The following SERAC1 variants were observed in gnomAD, a reference collection of about 807,000 sequenced individuals.
SERAC1 encodes the protein protein SERAC1.
Under a neutral mutation model 85.7 loss-of-function variants are expected in SERAC1, and 36 were observed. The ratio of observed to expected loss-of-function variants is 0.42; its 90% CI spans 0.32 to 0.55. The LOEUF is 0.55. Among genes scored for constraint, SERAC1 ranks in the 20% least tolerant of loss-of-function variants. SERAC1 has a pLI of 0.11. For missense variants in SERAC1, 629 were observed against 796.2 expected (o/e 0.79, Z 2.53); for synonymous variants, 242 against 265.3 (o/e 0.91, Z 0.85).
chr6:158,156,725 TTATATA>T (rs200538489), intron 2 of SERAC1, among the ~76,000 whole-genome samples: 15 of 140,704 alleles, frequency 1.1e-4, no homozygotes, highest in Non-Finnish European at 1.7e-4. Context: ...ACAAAAATCT[TTATATA>T]TATATAAATA....
intron 10 of SERAC1, among the ~76,000 whole-genome samples, chr6:158,123,472 G>A (rs1050972775): frequency 2.6e-5 from 4 of 152,184 alleles, no homozygotes; most frequent in African/African-American, 9.7e-5. Context: ...TAAAGTAGGA[G>A]GAGAAGTCAT....
rs555648797 is a variant in SERAC1, at chr6:158,119,235, C to T, written c.1167-65G>A. ...GCATTACTGCTTTGGTAAGAATCTA[C>T]ACAGCATTCTCTGTGGATGGTGCTT... On this transcript the variant is annotated intron_variant, in intron 11 of 16. Transcript: ENST00000647468. The surrounding 1 kb of genome is among the most constrained non-coding windows in gnomAD (Gnocchi z 4.5). 2.0e-6 allele frequency: 3 copies of T among 1,519,842 alleles called. No individual in the cohort carries two copies. Among genetic ancestry groups the T allele is most frequent in the South Asian group, 1.2e-5 (1 of 80,604 alleles). The allele number at this position is 1,519,842 out of a possible 1,614,324, so 94.1% of individuals were successfully genotyped here. A position where few individuals can be genotyped will look rare whatever the true frequency, so the allele number is the denominator to read the frequency against.
chr6:158,126,351 A>T (rs60554880), intron 10 of SERAC1, among the ~76,000 whole-genome samples: 1 of 141,546 alleles, frequency 7.1e-6, no homozygotes, highest in African/African-American at 2.7e-5. Flanking sequence ...CATATCATAA[A>T]GGACATGGGC....
chr6:158,134,250 T>C (rs937169593), intron 8 of SERAC1, among the ~76,000 whole-genome samples: 3 of 152,236 alleles, frequency 2.0e-5, no homozygotes, highest in African/African-American at 7.2e-5. Flanking sequence ...AAGCTGCCTC[T>C]TTCCCCAGCT....
At chr6:158,150,723 T>C in intron 3 of SERAC1, 134 bp from the exon 4 acceptor site, 1 of 674,468 alleles carries the variant, frequency 1.5e-6, no homozygotes, top group Non-Finnish European at 2.6e-6. Context: ...GTAATATGCA[T>C]ATAACATTTA....
At chr6:158,144,734 C>G (rs1785012362) in intron 6 of SERAC1, among the ~76,000 whole-genome samples, 1 of 152,150 alleles carries the variant, frequency 6.6e-6, no homozygotes, top group African/African-American at 2.4e-5. Flanking sequence ...TTCCAGCATT[C>G]AAAAGATGTT....
intron 8 of SERAC1, among the ~76,000 whole-genome samples, chr6:158,133,885 C>CT (rs1191482638): frequency 6.6e-6 from 1 of 152,176 alleles, no homozygotes; most frequent in African/African-American, 2.4e-5. Context: ...TTCCTAACCT[C>CT]TAACTGATAT....
intron 7 of SERAC1, among the ~76,000 whole-genome samples, chr6:158,143,603 A>G (rs1225010545): frequency 6.6e-6 from 1 of 152,092 alleles, no homozygotes; most frequent in Non-Finnish European, 1.5e-5. Flanking sequence ...CTCAAAATGA[A>G]TTATTGCACC....
At chr6:158,159,543 A>T (rs1785437208) in intron 1 of SERAC1, among the ~76,000 whole-genome samples, 1 of 151,854 alleles carries the variant, frequency 6.6e-6, no homozygotes, top group African/African-American at 2.4e-5. Flanking sequence ...TCCCTCTAAA[A>T]TTCCACTGTA....
At chr6:158,113,638 T>A in intron 15 of SERAC1, 46 bp from the exon 16 acceptor site, 1 of 1,515,716 alleles carries the variant, frequency 6.6e-7, no homozygotes, top group South Asian at 1.3e-5. Flanking sequence ...GTTTACCCAA[T>A]TCATAATAAA....
intron 6 of SERAC1, chr6:158,146,553 C>G: frequency 2.8e-6 from 1 of 351,340 alleles, no homozygotes; most frequent in Admixed American, 4.3e-5. Flanking sequence ...GGACTACAGA[C>G]GCCCGCCACC....
rs1562459955 is a variant in SERAC1, at chr6:158,156,918, A to AG, written c.91+1354_91+1355insC. Among the ~76,000 whole-genome samples, 114 of 104,632 alleles carry AG rather than the reference A, an allele frequency of 1.1e-3. 2 individuals are homozygous for AG. Among genetic ancestry groups the AG allele is most frequent in the African/African-American group, 2.4e-3 (78 of 32,894 alleles). The allele number at this position is 104,632 out of a possible 152,430, so 68.6% of individuals were successfully genotyped here. A position where few individuals can be genotyped will look rare whatever the true frequency, so the allele number is the denominator to read the frequency against. On this transcript the variant is annotated intron_variant, in intron 2 of 16. Coordinates refer to ENST00000647468, the MANE Select transcript of SERAC1 (RefSeq NM_032861.4). ...TATATAGATATTAATATATTTATATAAATATTAATATATTTATATAGATAT... is the reference window on the plus strand; with the variant it reads ...TATATAGATATTAATATATTTATATAGAATATTAATATATTTATATAGATAT...
At chr6:158,113,224 TTCTCA>T (rs1784188835) in intron 16 of SERAC1, 1 of 468,542 alleles carries the variant, frequency 2.1e-6, no homozygotes. Context: ...CAATTAACCC[TTCTCA>T]TCTAATCAGT....
chr6:158,111,300 A>T lies in SERAC1; in HGVS notation c.*66T>A, dbSNP rs1784138063. The T allele has an allele frequency of 1.4e-6, 2 of 1,430,332 alleles. No homozygotes were observed. Among genetic ancestry groups the T allele is most frequent in the Non-Finnish European group, 1.9e-6 (2 of 1,062,494 alleles). The allele number at this position is 1,430,332 out of a possible 1,614,324, so 88.6% of individuals were successfully genotyped here. On this transcript the variant is annotated 3_prime_UTR_variant, in exon 17 of 17. Transcript: ENST00000647468. ...GTTTGCATGATTGCATAGAGCTTAA[A>T]AGAAGAAACAGAACACCAAGTTTCT...
chr6:158,147,771 A>G (rs1286103110), intron 5 of SERAC1, among the ~76,000 whole-genome samples: 5 of 44,738 alleles, frequency 1.1e-4, no homozygotes, highest in East Asian at 5.6e-4. Flanking sequence ...TCTGTCTCAA[A>G]AAAAAAAAAA....
chr6:158,120,615 C>T lies in SERAC1; in HGVS notation c.1016-40G>A, dbSNP rs758689961. The T allele has an allele frequency of 1.9e-6, 3 of 1,592,090 alleles. No individual in the cohort carries two copies. The highest frequency in any genetic ancestry group is 2.7e-5 in the African/African-American group (2 of 74,074). On this transcript the variant is annotated intron_variant, in intron 10 of 16. Transcript: ENST00000647468. This position sits in a 1 kb window ranked among gnomAD's most constrained non-coding sequence, Gnocchi z 4.4. ...ACATATCCTAAATACTGATGTGAAT[C>T]CATCGCAGACCACAGAGAGAGTGAG...
chr6:158,140,783 A>C (rs1263430146), intron 8 of SERAC1, among the ~76,000 whole-genome samples: 2 of 152,176 alleles, frequency 1.3e-5, no homozygotes, highest in African/African-American at 4.8e-5. Context: ...GAACTGAACT[A>C]AATTGAAGGA....
chr6:158,155,260 A>C, intron 3 of SERAC1, 55 bp downstream of exon 3: 1 of 1,236,810 alleles, frequency 8.1e-7, no homozygotes, highest in Non-Finnish European at 1.2e-6. Context: ...ACTGCCATTG[A>C]GATTTCCAAT....
intron 2 of SERAC1, among the ~76,000 whole-genome samples, chr6:158,156,079 G>A (rs1489626291): frequency 6.6e-6 from 1 of 152,168 alleles, no homozygotes; most frequent in Non-Finnish European, 1.5e-5. Flanking sequence ...AACCACGGAG[G>A]CAGAGGTTGC....
Sources: gnomAD v4.1 joint callset for allele counts (sites outside exome capture counted in the v4.1 genomes callset) on GRCh38, gnomAD v4.1.1 for gene constraint, Gnocchi (gnomAD v3.1) non-coding constraint, MANE v1.5 for transcripts, NCBI Gene and HGNC (gene_info 2026-07-23, HGNC 2026-07-21) for gene names.